The following HIPK2 variants were observed in gnomAD, a reference collection of about 807,000 sequenced individuals.
HIPK2 encodes homeodomain-interacting protein kinase 2.
A neutral mutation model predicts 113.7 loss-of-function variants in HIPK2; 27 were observed. The ratio of observed to expected loss-of-function variants is 0.24; its 90% CI spans 0.17 to 0.33. The LOEUF is 0.33. Ranked by LOEUF, HIPK2 falls within the 10% of genes least tolerant of loss-of-function variation. The pLI is 1.00. For synonymous variants in HIPK2, 631 were observed against 642.2 expected (o/e 0.98, Z 0.26); for missense variants, 1,257 against 1,588.0 (o/e 0.79, Z 3.54).
At chr7:139,722,212 T>C (rs548810597) in intron 1 of HIPK2, among the ~76,000 whole-genome samples, 12 of 152,356 alleles carry the variant, frequency 7.9e-5, no homozygotes, top group African/African-American at 2.6e-4. Flanking sequence ...AAACTCTTCA[T>C]TGCATATGAC....
In HIPK2 at chr7:139,605,748, G is replaced by T. The variant is rs78519323; in HGVS notation, c.2113-1525C>A. Reference sequence around the variant, plus strand: ...ATAGGCAGAAGCTCAGGGACCATGCGCATACCATGAGTGCTTAATATCTGT... The same window carrying T: ...ATAGGCAGAAGCTCAGGGACCATGCTCATACCATGAGTGCTTAATATCTGT... On this transcript the variant is annotated intron_variant, in intron 9 of 14. Coordinates refer to ENST00000406875, the MANE Select transcript of HIPK2 (RefSeq NM_022740.5). Among the ~76,000 whole-genome samples the T allele has an allele frequency of 2.7e-3, 407 of 152,276 alleles. 2 individuals are homozygous for T. The highest frequency in any genetic ancestry group is 9.4e-3 in the African/African-American group (391 of 41,562).
At chr7:139,676,971 A>ACTG (rs1381796969) in intron 2 of HIPK2, among the ~76,000 whole-genome samples, 1 of 150,370 alleles carries the variant, frequency 6.7e-6, no homozygotes, top group African/African-American at 2.5e-5. Flanking sequence ...AAGTGATTCT[A>ACTG]CTGCTTCAGC....
intron 2 of HIPK2, among the ~76,000 whole-genome samples, chr7:139,638,656 CTTTTTTTTT>C (rs1184555180): frequency 7.7e-6 from 1 of 130,262 alleles, no homozygotes; most frequent in African/African-American, 3.0e-5. Context: ...AAATAATTGT[CTTTTTTTTT>C]TTTTTTTTTT....
In HIPK2 at chr7:139,600,580, C is replaced by T. The variant is rs748728818; in HGVS notation, c.2272G>A (p.Gly758Arg). The stretch of plus-strand genomic sequence containing the variant: ...TGCATGATGGGATTATAATGGCTTC[C>T]GTGAGCATGCGTATTTCTGAAAGGC... Reference protein sequence around the residue: ...LADWRNTHAHGSHYNPIMQQP... With the variant: ...LADWRNTHAHRSHYNPIMQQP... Residue 758 changes from glycine to arginine, a missense_variant, in exon 11 of 15, where the codon GGA becomes AGA. Physicochemically the swap from Gly to Arg is moderately radical, Grantham distance 125. Coordinates refer to ENST00000406875, the MANE Select transcript of HIPK2 (RefSeq NM_022740.5). 23 of 1,613,752 alleles carry T rather than the reference C, an allele frequency of 1.4e-5. No individual in the cohort carries two copies. The highest frequency in any genetic ancestry group is 4.5e-5 in the East Asian group (2 of 44,880).
chr7:139,665,273 A>C (rs1287327721), intron 2 of HIPK2, among the ~76,000 whole-genome samples: 1 of 152,138 alleles, frequency 6.6e-6, no homozygotes, highest in Non-Finnish European at 1.5e-5. Context: ...TCCTGGGCTC[A>C]AGCAATCCTC....
intron 2 of HIPK2, among the ~76,000 whole-genome samples, chr7:139,712,752 A>G (rs1795109398): frequency 6.6e-6 from 1 of 152,246 alleles, no homozygotes; most frequent in African/African-American, 2.4e-5. Context: ...TCAACTTGAT[A>G]AACATGGCCT....
chr7:139,583,719 A>G (rs935614477), intron 13 of HIPK2, 98 bp downstream of exon 13: 1 of 1,518,380 alleles, frequency 6.6e-7, no homozygotes, highest in Non-Finnish European at 8.9e-7. Context: ...GGCACTTTCT[A>G]TTGTACTAGC....
intron 12 of HIPK2, among the ~76,000 whole-genome samples, chr7:139,584,933 C>T (rs1363391056): frequency 1.3e-5 from 2 of 152,268 alleles, no homozygotes; most frequent in Middle Eastern, 3.4e-3. Context: ...AGCTCTTGGC[C>T]GGCATGTTTG....
intron 12 of HIPK2, among the ~76,000 whole-genome samples, chr7:139,590,083 A>G (rs1422425441): frequency 1.3e-5 from 2 of 152,188 alleles, no homozygotes; most frequent in African/African-American, 4.8e-5. Context: ...TCAGATGACT[A>G]CGGCAGATTC....
chr7:139,575,007 C>T, intron 14 of HIPK2, 121 bp downstream of exon 14: 1 of 1,322,828 alleles, frequency 7.6e-7, no homozygotes, highest in Non-Finnish European at 1.0e-6. Context: ...GTGCTGCCAC[C>T]CGTGGCCAGG....
rs562626702 is a variant in HIPK2 at position 139,664,084 on chromosome 7, C to T, written c.1104-32359G>A. Among the ~76,000 whole-genome samples, 72 of 152,356 alleles carry T rather than the reference C, an allele frequency of 4.7e-4. 1 individual carries two copies. The South Asian group carries it at 5.0e-3, about 11-fold the overall frequency. On this transcript the variant is annotated intron_variant, in intron 2 of 14. Transcript: ENST00000406875. ...ACACTTGGTCATCTCGCTTCAGCGT[C>T]CTCCCCTCATGCCCAATCTGATCCA...
In HIPK2 at chr7:139,626,727, C is replaced by T. The variant is rs959126759; in HGVS notation, c.1493G>A (p.Arg498Gln). 15 of 1,613,948 alleles carry T rather than the reference C, an allele frequency of 9.3e-6. No homozygotes were observed. The highest frequency in any genetic ancestry group is 2.2e-5 in the East Asian group (1 of 44,878). ...CTTCTTCAACAGGTCAATGAACTCCCGCCGGTCAGCCTTTTCTACCAACAT... is the reference window on the plus strand; with the variant it reads ...CTTCTTCAACAGGTCAATGAACTCCTGCCGGTCAGCCTTTTCTACCAACAT... ...SDMLVEKADR[R>Q]EFIDLLKKML... is the part of the protein sequence containing the mutation. The change falls in exon 6 of 15, where the codon CGG becomes CAG. Residue 498 changes from arginine to glutamine, a missense_variant. Arg to Gln is a conservative substitution (Grantham distance 43). This residue lies in a region of HIPK2 where 862 missense variants were observed against 1,004.3 expected (regional missense o/e 0.86). Coordinates refer to ENST00000406875, the MANE Select transcript of HIPK2 (RefSeq NM_022740.5).
chr7:139,666,926 T>C (rs1004347290), intron 2 of HIPK2, among the ~76,000 whole-genome samples: 3 of 152,010 alleles, frequency 2.0e-5, no homozygotes, highest in African/African-American at 7.2e-5. Flanking sequence ...CTGGGTGTAG[T>C]GGCAGGATCC....
rs554821134 is a variant in HIPK2 at position 139,572,749 on chromosome 7, G to A, written c.*178C>T. The A allele has an allele frequency of 4.4e-6, 2 of 449,756 alleles. No individual in the cohort carries two copies. The highest frequency in any genetic ancestry group is 7.1e-5 in the African/African-American group (2 of 28,068). 27.9% of individuals were successfully genotyped at this position (449,756 alleles called of 1,614,324 possible). A position where few individuals can be genotyped will look rare whatever the true frequency, so the allele number is the denominator to read the frequency against. On this transcript the variant is annotated 3_prime_UTR_variant, in exon 15 of 15. Transcript: ENST00000406875. The stretch of plus-strand genomic sequence containing the variant: ...TCAAGTTTCACTGGTGTCCCGACCC[G>A]TCCCCCTGCCCTCTGCCCCCCCCCC...
rs1485275679 is a variant in HIPK2, at chr7:139,620,425, G to A, written c.1758C>T (p.Asn586=). ...CCTGGTTGTGGACAGTGGTCAGCTG[G>A]TTGTTAAAGGTCATGGTCAGGTTGG... The part of the protein sequence containing the change: ...TSTNLTMTFN[N]QLTTVHNQAP... Residue 586 remains asparagine (N), a synonymous_variant, in exon 7 of 15, where the codon AAC becomes AAT. Transcript: ENST00000406875. The A allele has an allele frequency of 6.2e-7, 1 of 1,613,948 alleles. No individual in the cohort carries two copies. Among genetic ancestry groups the A allele is most frequent in the South Asian group, 1.1e-5 (1 of 91,074 alleles).
intron 2 of HIPK2, among the ~76,000 whole-genome samples, chr7:139,675,457 T>C (rs1213908172): frequency 6.6e-6 from 1 of 152,086 alleles, no homozygotes; most frequent in Non-Finnish European, 1.5e-5. Flanking sequence ...ATGTCGGCAC[T>C]CACTTTGCTG....
At chr7:139,721,935 C>A in intron 1 of HIPK2, 1 of 294,142 alleles carries the variant, frequency 3.4e-6, no homozygotes, top group South Asian at 3.0e-5. Context: ...TCAAAATGGC[C>A]ACATTTTCAT....
intron 2 of HIPK2, among the ~76,000 whole-genome samples, chr7:139,694,635 C>T (rs1176290591): frequency 2.6e-5 from 4 of 152,292 alleles, no homozygotes; most frequent in African/African-American, 7.2e-5. Flanking sequence ...CCTGATCATT[C>T]CTGTGCGCAT....
chr7:139,603,026 G>A (rs907257053), intron 10 of HIPK2, among the ~76,000 whole-genome samples: 10 of 152,172 alleles, frequency 6.6e-5, no homozygotes, highest in Non-Finnish European at 1.2e-4. Flanking sequence ...AGGGAAGTGA[G>A]TGGGACTGTG....
Sources: allele counts gnomAD v4.1 joint callset (sites outside exome capture counted in the v4.1 genomes callset), GRCh38; gene constraint gnomAD v4.1.1; regional missense constraint gnomAD v4.1.1; transcripts MANE v1.5; gene names NCBI Gene and HGNC (gene_info 2026-07-23, HGNC 2026-07-21).